SOS1: variants seen among roughly 807,000 people sequenced by gnomAD.
The protein encoded by SOS1 is son of sevenless homolog 1.
Under a neutral mutation model 157.6 loss-of-function variants are expected in SOS1, and 25 were observed. The observed-to-expected ratio is 0.16, with a 90% CI of 0.12 to 0.22. The LOEUF is 0.22. SOS1 is among the 10% of genes least tolerant of loss of function. The pLI is 1.00. For synonymous variants in SOS1, 528 were observed against 534.0 expected, an observed-to-expected ratio of 0.99 and a Z score of 0.16; for missense variants, 1,237 against 1,599.1, an observed-to-expected ratio of 0.77 and a Z score of 3.86.
chr2:39,011,551 T>G (rs2373474), intron 14 of SOS1, among the ~76,000 whole-genome samples: 141,978 of 152,174 alleles, frequency 0.93, 66,344 homozygotes, highest in African/African-American at 0.97. Context: ...TATAAATTTA[T>G]CTCATTTTCT....
chr2:39,107,365 A>C (rs191372543), intron 1 of SOS1, among the ~76,000 whole-genome samples: 1 of 152,136 alleles, frequency 6.6e-6, no homozygotes, highest in African/African-American at 2.4e-5. Flanking sequence ...GAGACACATC[A>C]TTTTTCCAAC....
chr2:39,099,863 G>C (rs1396682288), intron 1 of SOS1, among the ~76,000 whole-genome samples: 3 of 152,056 alleles, frequency 2.0e-5, no homozygotes, highest in Non-Finnish European at 4.4e-5. Flanking sequence ...CTCAGCCTCT[G>C]GAGTAGCCGG....
At chr2:39,107,943 A>G (rs1456525270) in intron 1 of SOS1, among the ~76,000 whole-genome samples, 1 of 152,110 alleles carries the variant, frequency 6.6e-6, no homozygotes, top group South Asian at 2.1e-4. Context: ...CAGGCCTTCC[A>G]CGCTTGGATA....
intron 1 of SOS1, among the ~76,000 whole-genome samples, chr2:39,102,565 C>T (rs563937087): frequency 3.4e-4 from 51 of 148,352 alleles, no homozygotes; most frequent in South Asian, 1.3e-3. Context: ...AGAAGAATTC[C>T]GCTTCGTTTT....
chr2:39,063,596 T>C (rs1270052828), intron 2 of SOS1, among the ~76,000 whole-genome samples: 1 of 152,232 alleles, frequency 6.6e-6, no homozygotes, highest in African/African-American at 2.4e-5. Context: ...TACTTTATAA[T>C]TTGTGATAAT....
intron 1 of SOS1, among the ~76,000 whole-genome samples, chr2:39,077,721 T>C (rs1343735114): frequency 3.9e-5 from 6 of 152,232 alleles, no homozygotes; most frequent in African/African-American, 1.4e-4. Flanking sequence ...TATAGATTCA[T>C]GAGGAAAGGA....
chr2:39,111,731 T>C (rs1474249658), intron 1 of SOS1, among the ~76,000 whole-genome samples: 1 of 151,616 alleles, frequency 6.6e-6, no homozygotes, highest in East Asian at 1.9e-4. Context: ...TCCTTTTTTT[T>C]TTTTTTTCTT....
At chr2:38,991,925 G>GT (rs1668746828) in intron 20 of SOS1, among the ~76,000 whole-genome samples, 2 of 152,154 alleles carry the variant, frequency 1.3e-5, no homozygotes, top group South Asian at 2.1e-4. Context: ...GGAAAAAACC[G>GT]TAAGAGTAAA....
intron 1 of SOS1, among the ~76,000 whole-genome samples, chr2:39,108,963 C>G (rs1349618194): frequency 6.6e-6 from 1 of 151,984 alleles, no homozygotes; most frequent in Admixed American, 6.6e-5. Flanking sequence ...CACTGGGAGA[C>G]TGACGCAGGT....
chr2:39,104,917 A>G (rs1673108906), intron 1 of SOS1, among the ~76,000 whole-genome samples: 1 of 152,252 alleles, frequency 6.6e-6, no homozygotes, highest in African/African-American at 2.4e-5. Flanking sequence ...GGGAAAGAAT[A>G]GATGGTAGTA....
intron 5 of SOS1, among the ~76,000 whole-genome samples, chr2:39,052,584 C>CT (rs1671058208): frequency 6.6e-6 from 1 of 152,050 alleles, no homozygotes; most frequent in Admixed American, 6.6e-5. Flanking sequence ...TAGTTTTTTG[C>CT]TTATATTTCT....
intron 5 of SOS1, among the ~76,000 whole-genome samples, chr2:39,053,896 C>T (rs995094237): frequency 2.6e-5 from 4 of 151,682 alleles, no homozygotes; most frequent in South Asian, 2.1e-4. Flanking sequence ...ATATCTCTGT[C>T]TTGACTAGAC....
chr2:39,024,708 G>C (rs1669901957), intron 8 of SOS1, among the ~76,000 whole-genome samples: 1 of 152,000 alleles, frequency 6.6e-6, no homozygotes, highest in South Asian at 2.1e-4. Context: ...GCCAAATAAG[G>C]CTTATAAAAA....
At chr2:39,120,091 C>G (rs1423204505) in intron 1 of SOS1, among the ~76,000 whole-genome samples, 1 of 152,194 alleles carries the variant, frequency 6.6e-6, no homozygotes, top group Non-Finnish European at 1.5e-5. Flanking sequence ...AAGCATTCAC[C>G]TCTCAGGGGT....
At chr2:39,028,398 ATTG>A (rs938028276) in intron 8 of SOS1, among the ~76,000 whole-genome samples, 4 of 152,212 alleles carry the variant, frequency 2.6e-5, no homozygotes, top group Admixed American at 2.0e-4. Flanking sequence ...TAAAAAATAA[ATTG>A]TTGTACCCAG....
chr2:39,030,288 G>T (rs560774281), intron 8 of SOS1, among the ~76,000 whole-genome samples: 8 of 151,468 alleles, frequency 5.3e-5, no homozygotes, highest in African/African-American at 1.9e-4. Context: ...AAAAGGCTGG[G>T]TGCATTGGCT....
chr2:39,043,935 A>T (rs1670665196), intron 6 of SOS1, among the ~76,000 whole-genome samples: 1 of 152,234 alleles, frequency 6.6e-6, no homozygotes, highest in Admixed American at 6.5e-5. Context: ...TTGTTGAAAT[A>T]CACTTTTGAC....
At chr2:39,046,897 T>TATTA (rs1431649299) in intron 6 of SOS1, among the ~76,000 whole-genome samples, 1 of 152,242 alleles carries the variant, frequency 6.6e-6, no homozygotes, top group Non-Finnish European at 1.5e-5. Flanking sequence ...CAATGCATCT[T>TATTA]ATAATGAGTG....
intron 1 of SOS1, among the ~76,000 whole-genome samples, chr2:39,090,240 T>C (rs1202991884): frequency 6.6e-6 from 1 of 152,050 alleles, no homozygotes; most frequent in Non-Finnish European, 1.5e-5. Context: ...GCTAGTTTAG[T>C]TCAACAAACT....
Sources: gnomAD v4.1 joint callset for allele counts (sites outside exome capture counted in the v4.1 genomes callset) on GRCh38, gnomAD v4.1.1 for gene constraint, MANE v1.5 for transcripts, NCBI Gene and HGNC (gene_info 2026-07-23, HGNC 2026-07-21) for gene names.